The following SDHB variants were observed in gnomAD, a reference collection of about 807,000 sequenced individuals.
SDHB encodes the protein succinate dehydrogenase [ubiquinone] iron-sulfur subunit, mitochondrial.
SDHB carries 21 observed loss-of-function variants against 39.7 expected under a neutral mutation model. That is an observed-to-expected ratio of 0.53 (90% confidence interval 0.37 to 0.76). SDHB has a LOEUF of 0.76. Among genes scored for constraint, SDHB ranks in the 30% least tolerant of loss-of-function variants. The probability of loss-of-function intolerance (pLI) is 0.00; values close to 1 mark genes in which losing one functional copy is unlikely to be tolerated. For synonymous variants in SDHB, 118 were observed against 117.0 expected (o/e 1.01, Z -0.06); for missense variants, 343 against 350.9 (o/e 0.98, Z 0.18).
intron 2 of SDHB, among the ~76,000 whole-genome samples, chr1:17,033,374 A>G (rs1391718285): frequency 6.6e-6 from 1 of 152,234 alleles, no homozygotes; most frequent in East Asian, 1.9e-4. Context: ...ATGGAAAGCT[A>G]AAGTAGTAGT....
At chr1:17,044,944 T>A (rs2078101525) in intron 1 of SDHB, 56 bp from the exon 2 acceptor site, 1 of 1,508,892 alleles carries the variant, frequency 6.6e-7, no homozygotes, top group Middle Eastern at 1.8e-4. Flanking sequence ...ACAAGATAAT[T>A]CCATTTTGCT....
In SDHB at chr1:17,023,947, CTTAAAGCAATTA is replaced by C. The variant is rs763857045; in HGVS notation, c.642+14_642+25del. 1 of 1,555,270 alleles carries C rather than the reference CTTAAAGCAATTA, an allele frequency of 6.4e-7. No homozygotes were observed. The highest frequency in any genetic ancestry group is 1.1e-5 in the South Asian group (1 of 89,890). ...TCTGGATGCTTGAGTTTCAATTTCT[CTTAAAGCAATTA>C]AGGAGCACCTCACCTGCATAAGAAC... On this transcript the variant is annotated intron_variant, in intron 6 of 7. Transcript: ENST00000375499.
intron 1 of SDHB, among the ~76,000 whole-genome samples, chr1:17,045,486 C>A (rs1042169058): frequency 3.3e-5 from 5 of 151,980 alleles, no homozygotes; most frequent in African/African-American, 1.2e-4. Flanking sequence ...TCGTAGTGTG[C>A]GTCTCAGGAG....
Position 17,021,750 on chromosome 1 carries a change from C to CA in SDHB, c.765+857dup, listed in dbSNP as rs769819005. ...GGCAACAAGAGCGAAACTCTGTCTC[C>CA]AAAAAAAAAAAAGGCTGAGCTTGGG... On this transcript the variant is annotated intron_variant, in intron 7 of 7. Coordinates refer to ENST00000375499, the MANE Select transcript of SDHB (RefSeq NM_003000.3). Among the ~76,000 whole-genome samples the CA allele has an allele frequency of 1.0e-3, 143 of 139,482 alleles. 1 individual carries two copies. The highest frequency in any genetic ancestry group is 2.5e-3 in the South Asian group (11 of 4,340). 91.5% of individuals were successfully genotyped at this position (139,482 alleles called of 152,430 possible).
At chr1:17,031,984 T>C (rs1055902385) in intron 3 of SDHB, among the ~76,000 whole-genome samples, 3 of 152,154 alleles carry the variant, frequency 2.0e-5, no homozygotes, top group Admixed American at 6.5e-5. Context: ...ATCTACCTCA[T>C]GTCCAGTGCA....
At chr1:17,027,639 G>A in intron 5 of SDHB, 110 bp downstream of exon 5, 2 of 786,288 alleles carry the variant, frequency 2.5e-6, no homozygotes, top group Non-Finnish European at 4.6e-6. Flanking sequence ...TTCCTCTCCA[G>A]AATACACTAA....
chr1:17,053,105 A>G (rs1557749335), intron 1 of SDHB, among the ~76,000 whole-genome samples: 1 of 152,162 alleles, frequency 6.6e-6, no homozygotes, highest in Non-Finnish European at 1.5e-5. Flanking sequence ...TTAGTCCCTT[A>G]TGTATACAAA....
Position 17,033,024 on chromosome 1 carries a change from C to T in SDHB, c.286+36G>A, listed in dbSNP as rs377245970. ...CAGCCCAAGCCTCTTTGGAAGACCA[C>T]AAGTATCTGGAGCCCAACAGGAATG... is the stretch of plus-strand genomic sequence containing the variant. On this transcript the variant is annotated intron_variant, in intron 3 of 7. Transcript: ENST00000375499. 7.8e-6 allele frequency: 12 copies of T among 1,540,706 alleles called. No individual in the cohort carries two copies. In the African/African-American group the frequency reaches 1.4e-4, roughly 17 times the overall value.
intron 5 of SDHB, among the ~76,000 whole-genome samples, chr1:17,025,135 T>C (rs936443187): frequency 2.0e-5 from 3 of 152,160 alleles, no homozygotes; most frequent in East Asian, 1.9e-4. Flanking sequence ...CAGTAAAAAA[T>C]TGGAAACAAT....
intron 3 of SDHB, among the ~76,000 whole-genome samples, chr1:17,031,619 C>G (rs79146253): frequency 6.6e-6 from 1 of 152,100 alleles, no homozygotes; most frequent in Non-Finnish European, 1.5e-5. Flanking sequence ...GCATTTGCAA[C>G]GCTAAATAAG....
chr1:17,023,958 T>G lies in SDHB; in HGVS notation c.642+15A>C. 6 of 1,589,194 alleles carry G rather than the reference T, an allele frequency of 3.8e-6. No individual in the cohort carries two copies. The highest frequency in any genetic ancestry group is 5.2e-6 in the Non-Finnish European group (6 of 1,158,112). On this transcript the variant is annotated intron_variant, in intron 6 of 7. Coordinates refer to ENST00000375499, the MANE Select transcript of SDHB (RefSeq NM_003000.3). ...GAGTTTCAATTTCTCTTAAAGCAATTAAGGAGCACCTCACCTGCATAAGAA... is the reference window on the plus strand; with the variant it reads ...GAGTTTCAATTTCTCTTAAAGCAATGAAGGAGCACCTCACCTGCATAAGAA...
intron 3 of SDHB, among the ~76,000 whole-genome samples, chr1:17,031,608 A>G (rs2078023112): frequency 6.6e-6 from 1 of 152,258 alleles, no homozygotes; most frequent in Non-Finnish European, 1.5e-5. Context: ...AATATCCATC[A>G]GCATTTGCAA....
intron 6 of SDHB, 78 bp downstream of exon 6, chr1:17,023,895 T>C: frequency 9.1e-7 from 1 of 1,104,586 alleles, no homozygotes; most frequent in Non-Finnish European, 1.4e-6. Context: ...ATGGCTGGCT[T>C]ACAGCAATCT....
intron 3 of SDHB, among the ~76,000 whole-genome samples, chr1:17,029,118 T>G (rs1181299934): frequency 6.8e-6 from 1 of 147,220 alleles, no homozygotes; most frequent in African/African-American, 2.5e-5. Context: ...TTTTTTTTTT[T>G]TTTTAAAGAA....
At chr1:17,024,538 G>C (rs1431253232) in intron 5 of SDHB, among the ~76,000 whole-genome samples, 1 of 152,168 alleles carries the variant, frequency 6.6e-6, no homozygotes, top group Non-Finnish European at 1.5e-5. Flanking sequence ...GACTGCCACT[G>C]CCAATCCTGA....
At chr1:17,035,637 TG>T in intron 2 of SDHB, among the ~76,000 whole-genome samples, 1 of 152,018 alleles carries the variant, frequency 6.6e-6, no homozygotes, top group Admixed American at 6.6e-5. Flanking sequence ...CCTTGGCGGG[TG>T]GATCATGAGG....
At chr1:17,051,725 C>A (rs2078149046) in intron 1 of SDHB, among the ~76,000 whole-genome samples, 2 of 152,112 alleles carry the variant, frequency 1.3e-5, no homozygotes, top group South Asian at 2.1e-4. Context: ...CTAGCATAGC[C>A]CAGAAAAAAA....
At chr1:17,042,948 TTA>T (rs1443049735) in intron 2 of SDHB, among the ~76,000 whole-genome samples, 1 of 139,680 alleles carries the variant, frequency 7.2e-6, no homozygotes, top group Admixed American at 8.2e-5. Flanking sequence ...GTTTTTTGTT[TTA>T]TGAGTTTTTT....
intron 5 of SDHB, among the ~76,000 whole-genome samples, chr1:17,025,232 A>G (rs763597900): frequency 1.3e-5 from 2 of 152,246 alleles, no homozygotes; most frequent in Non-Finnish European, 2.9e-5. Context: ...GTTAATGCTT[A>G]TGAACAATTT....
Sources: gnomAD v4.1 joint callset for allele counts (sites outside exome capture counted in the v4.1 genomes callset) on GRCh38, gnomAD v4.1.1 for gene constraint, MANE v1.5 for transcripts, NCBI Gene and HGNC (gene_info 2026-07-23, HGNC 2026-07-21) for gene names.